PRKAG2: variants seen among roughly 807,000 people sequenced by gnomAD.
The protein encoded by PRKAG2 is 5'-AMP-activated protein kinase subunit gamma-2.
Under a neutral mutation model 69.6 loss-of-function variants are expected in PRKAG2, and 26 were observed. The observed-to-expected ratio is 0.37, with a 90% CI of 0.27 to 0.52. The LOEUF (loss-of-function observed/expected upper bound fraction) is 0.52, where lower values mean the gene tolerates loss of function less well. PRKAG2 is among the 20% of genes least tolerant of loss of function. The probability of loss-of-function intolerance (pLI) is 0.90; values close to 1 mark genes in which losing one functional copy is unlikely to be tolerated. For synonymous variants in PRKAG2, 293 were observed against 285.0 expected (o/e 1.03, Z -0.28); for missense variants, 557 against 740.0 (o/e 0.75, Z 2.87).
chr7:151,810,972 C>T (rs1018340387), intron 1 of PRKAG2, among the ~76,000 whole-genome samples: 3 of 152,066 alleles, frequency 2.0e-5, no homozygotes, highest in African/African-American at 7.2e-5. Flanking sequence ...GTAGCAGAAC[C>T]ACCATGGGAC....
chr7:151,676,304 CA>C (rs1282402638), intron 3 of PRKAG2, among the ~76,000 whole-genome samples: 1 of 151,832 alleles, frequency 6.6e-6, no homozygotes, highest in African/African-American at 2.4e-5. Context: ...TTATTCCTAC[CA>C]AAACGTGCAA....
rs1435403990 is a variant in PRKAG2, at chr7:151,723,038, G to T, written c.467-47401C>A. Among the ~76,000 whole-genome samples the T allele has an allele frequency of 2.6e-5, 4 of 152,180 alleles. No homozygotes were observed. The East Asian group carries it at 7.7e-4, about 29-fold the overall frequency. On this transcript the variant is annotated intron_variant, in intron 3 of 15. Transcript: ENST00000287878. Reference sequence around the variant, plus strand: ...CCCACTCCTCCCCTCCACCGCAGGAGAACTGGAGAAATTCTATGCTAGTCA... The same window carrying T: ...CCCACTCCTCCCCTCCACCGCAGGATAACTGGAGAAATTCTATGCTAGTCA...
At chr7:151,726,287 G>A (rs1322478590) in intron 3 of PRKAG2, among the ~76,000 whole-genome samples, 1 of 152,078 alleles carries the variant, frequency 6.6e-6, no homozygotes, top group Non-Finnish European at 1.5e-5. Flanking sequence ...GGTGGCAGAA[G>A]AGAGCTGGCA....
chr7:151,798,516 T>C (rs1162897057), intron 1 of PRKAG2, among the ~76,000 whole-genome samples: 2 of 152,188 alleles, frequency 1.3e-5, no homozygotes, highest in African/African-American at 4.8e-5. Flanking sequence ...CGTTTTCCCA[T>C]GTTGTCCAGG....
At chr7:151,557,832 A>G (rs1319793164) in intron 15 of PRKAG2, 6 of 837,732 alleles carry the variant, frequency 7.2e-6, no homozygotes, top group Non-Finnish European at 8.6e-6. Flanking sequence ...AGATCATGCC[A>G]TTGCACTCCA....
intron 5 of PRKAG2, among the ~76,000 whole-genome samples, chr7:151,630,358 T>C (rs1824119514): frequency 6.6e-6 from 1 of 152,204 alleles, no homozygotes; most frequent in African/African-American, 2.4e-5. Context: ...GTTTCATTAA[T>C]AAAAATCTTA....
intron 5 of PRKAG2, 156 bp downstream of exon 5, chr7:151,631,913 C>CCCCGCCCCGGTT (rs1209694102): frequency 3.9e-6 from 3 of 760,196 alleles, no homozygotes; most frequent in South Asian, 2.2e-5. Flanking sequence ...GCGCCCGCAT[C>CCCCGCCCCGGTT]CCCGCCCCGG....
intron 5 of PRKAG2, among the ~76,000 whole-genome samples, chr7:151,598,572 A>G (rs372093329): frequency 6.6e-6 from 1 of 152,194 alleles, no homozygotes; most frequent in Admixed American, 6.5e-5. Flanking sequence ...ATGTACAATT[A>G]TGTGTCAACC....
At chr7:151,726,573 C>T (rs6954688) in intron 3 of PRKAG2, among the ~76,000 whole-genome samples, 3,615 of 152,194 alleles carry the variant, frequency 0.024, 145 homozygotes, top group African/African-American at 0.082. Context: ...AACAACTGGA[C>T]GGACGCAGGA....
chr7:151,776,872 A>G (rs7809503), intron 3 of PRKAG2, among the ~76,000 whole-genome samples: 67,853 of 152,080 alleles, frequency 0.45, 18,835 homozygotes, highest in African/African-American at 0.78. Context: ...CTACCCAGCA[A>G]TGAGGCCTTC....
chr7:151,716,277 G>A (rs957787164), intron 3 of PRKAG2, among the ~76,000 whole-genome samples: 1 of 152,212 alleles, frequency 6.6e-6, no homozygotes, highest in Non-Finnish European at 1.5e-5. Flanking sequence ...AGGAGGCCGA[G>A]TGTGAAAGTG....
chr7:151,855,193 T>TCTA (rs2079704379), intron 1 of PRKAG2, among the ~76,000 whole-genome samples: 1 of 74,740 alleles, frequency 1.3e-5, no homozygotes, highest in Non-Finnish European at 2.8e-5. Flanking sequence ...CACACCACCC[T>TCTA]CCACACACAC....
chr7:151,751,996 G>C (rs1040860029), intron 3 of PRKAG2, among the ~76,000 whole-genome samples: 4 of 152,192 alleles, frequency 2.6e-5, no homozygotes, highest in African/African-American at 9.6e-5. Context: ...AGATCAGCCA[G>C]AAAGCCAGGA....
At chr7:151,686,201 G>T (rs2151510782) in intron 3 of PRKAG2, among the ~76,000 whole-genome samples, 1 of 152,284 alleles carries the variant, frequency 6.6e-6, no homozygotes, top group South Asian at 2.1e-4. Flanking sequence ...CTGACCGATG[G>T]GGCCAGGAGG....
At position 151,638,623 on chromosome 7, in the gene PRKAG2, ACT is replaced by A. The variant is rs1826148437; in HGVS notation, c.685-6487_685-6486del. 6.6e-6 allele frequency among the ~76,000 whole-genome samples: 1 copy of A among 151,406 alleles called. No homozygotes were observed. Among genetic ancestry groups the A allele is most frequent in the Non-Finnish European group, 1.5e-5 (1 of 67,902 alleles). ...CACTCCAGCTTGGCGACAGAGTGAG[ACT>A]CTGTCTCAAAAAAAAAAGCTAAATT... On this transcript the variant is annotated intron_variant, in intron 4 of 15. Transcript: ENST00000287878. The surrounding 1 kb of genome is among the most constrained non-coding windows in gnomAD (Gnocchi z 4.3).
intron 3 of PRKAG2, among the ~76,000 whole-genome samples, chr7:151,735,086 C>A (rs1046207514): frequency 4.6e-5 from 7 of 152,078 alleles, no homozygotes; most frequent in Non-Finnish European, 1.0e-4. Context: ...GAACTCCTGA[C>A]CTCAGGTGAT....
Position 151,595,357 on chromosome 7 carries a change from A to G in PRKAG2, c.852T>C (p.Asp284=). The change falls in exon 6 of 16, where the codon GAT becomes GAC. Residue 284 remains aspartate, a synonymous_variant. Coordinates refer to ENST00000287878, the MANE Select transcript of PRKAG2 (RefSeq NM_016203.4). ...GGAGTACACTTACTTGTAATGTAGT[A>G]TCAAAGACAACAAGCTTTGAACTGG... The part of the protein sequence containing the change: ...VPTSSKLVVF[D]TTLQVKKAFF... The G allele has an allele frequency of 6.2e-7, 1 of 1,611,594 alleles. No individual in the cohort carries two copies. Among genetic ancestry groups the G allele is most frequent in the Non-Finnish European group, 8.5e-7 (1 of 1,177,828 alleles).
At chr7:151,655,048 T>C (rs2151411239) in intron 4 of PRKAG2, among the ~76,000 whole-genome samples, 1 of 152,318 alleles carries the variant, frequency 6.6e-6, no homozygotes, top group South Asian at 2.1e-4. Context: ...AAATTTAACC[T>C]GAGGAGAGGG....
At chr7:151,565,634 A>G (rs1806071581) in intron 12 of PRKAG2, 86 bp downstream of exon 12, 1 of 1,526,308 alleles carries the variant, frequency 6.6e-7, no homozygotes, top group Non-Finnish European at 9.1e-7. Context: ...CATTTTCCCC[A>G]CGTATCTCCT....
Sources: gnomAD v4.1 joint callset for allele counts (sites outside exome capture counted in the v4.1 genomes callset) on GRCh38, gnomAD v4.1.1 for gene constraint, Gnocchi (gnomAD v3.1) non-coding constraint, MANE v1.5 for transcripts, NCBI Gene and HGNC (gene_info 2026-07-23, HGNC 2026-07-21) for gene names.